Variants in FAM200A observed in about 807,000 individuals in gnomAD.
FAM200A encodes ZBED8 like.
Under a neutral mutation model 44.2 loss-of-function variants are expected in FAM200A, and 26 were observed. The observed-to-expected ratio is 0.59, with a 90% CI of 0.43 to 0.82. FAM200A has a LOEUF of 0.82. Among genes scored for constraint, FAM200A ranks in the 40% least tolerant of loss-of-function variants. The pLI is 0.00. For synonymous variants in FAM200A, 206 were observed against 244.4 expected (o/e 0.84, Z 1.47); for missense variants, 606 against 669.5 (o/e 0.91, Z 1.05).
intron 1 of FAM200A, among the ~76,000 whole-genome samples, chr7:99,551,405 A>G (rs1480928531): frequency 2.0e-5 from 3 of 152,056 alleles, no homozygotes. Flanking sequence ...CTAGGTTGGC[A>G]AGGCTGATCT....
chr7:99,553,090 T>TATATACACACAC (rs1562927180), upstream of FAM200A, among the ~76,000 whole-genome samples: 10 of 102,042 alleles, frequency 9.8e-5, no homozygotes, highest in African/African-American at 5.2e-4. Context: ...TATATATATA[T>TATATACACACAC]ATATATATAT....
At chr7:99,557,978 G>A (rs1313775453) in intron 1 of FAM200A, among the ~76,000 whole-genome samples, 1 of 152,174 alleles carries the variant, frequency 6.6e-6, no homozygotes. Context: ...CCGGCGCTCT[G>A]CCTGTCCCGC....
At position 99,547,501 on chromosome 7, in the gene FAM200A, A is replaced by G; in HGVS notation, c.907T>C (p.Trp303Arg). 1.3e-6 allele frequency: 2 copies of G among 1,549,604 alleles called. No individual in the cohort carries two copies. The highest frequency in any genetic ancestry group is 1.7e-6 in the Non-Finnish European group (2 of 1,145,870). Reference sequence around the variant, plus strand: ...CTCAATACTTTTCCTTGAGAAAGCCAACGAACTTCTGTATGAAACAATAAG... The same window carrying G: ...CTCAATACTTTTCCTTGAGAAAGCCGACGAACTTCTGTATGAAACAATAAG... The part of the protein sequence containing the change: ...THLLFHTEVR[W>R]LSQGKVLSRV... The change falls in exon 2 of 2, where the codon TGG (tryptophan) becomes CGG (arginine). Residue 303 changes from tryptophan to arginine, a missense_variant. Trp to Arg is a moderately radical substitution (Grantham distance 101). Transcript: ENST00000449309.
In FAM200A at chr7:99,547,003, A is replaced by C. The variant is rs1384612287; in HGVS notation, c.1405T>G (p.Leu469Val). The C allele has an allele frequency of 6.5e-7, 1 of 1,549,976 alleles. No individual in the cohort carries two copies. Among genetic ancestry groups the C allele is most frequent in the South Asian group, 1.2e-5 (1 of 83,544 alleles). The change falls in exon 2 of 2, where the codon TTG (leucine) becomes GTG (valine). Residue 469 changes from leucine to valine, a missense_variant. Leu to Val is a conservative substitution (Grantham distance 32). Coordinates refer to ENST00000449309, the MANE Select transcript of FAM200A (RefSeq NM_145111.4). ...AATTCATTCTCTTCTTCAGGCTCCA[A>C]GTTTAACTCAATTATTGATTCTGGG... ...QNPESIIELN[L>V]EPEEENELLQ...
intron 1 of FAM200A, among the ~76,000 whole-genome samples, chr7:99,557,973 G>A (rs1438937152): frequency 2.0e-5 from 3 of 152,168 alleles, no homozygotes; most frequent in Non-Finnish European, 4.4e-5. Flanking sequence ...CTGTCCCGGC[G>A]CTCTGCCTGT....
Position 99,546,569 on chromosome 7 carries a change from A to G in FAM200A, c.*117T>C. ...TTTTTAGTAGAGATGGGGTTTCACCATGTTGGCCAGGCTGGTCTTGAACTC... is the reference window on the plus strand; with the variant it reads ...TTTTTAGTAGAGATGGGGTTTCACCGTGTTGGCCAGGCTGGTCTTGAACTC... On this transcript the variant is annotated 3_prime_UTR_variant, in exon 2 of 2. Transcript: ENST00000449309. 8.9e-7 allele frequency: 1 copy of G among 1,122,516 alleles called. No individual in the cohort carries two copies. Among genetic ancestry groups the G allele is most frequent in the Non-Finnish European group, 1.2e-6 (1 of 846,970 alleles). The allele number at this position is 1,122,516 out of a possible 1,614,324, so 69.5% of individuals were successfully genotyped here. A position where few individuals can be genotyped will look rare whatever the true frequency, so the allele number is the denominator to read the frequency against.
At chr7:99,557,610 C>G (rs1418370832) in intron 1 of FAM200A, among the ~76,000 whole-genome samples, 1 of 152,106 alleles carries the variant, frequency 6.6e-6, no homozygotes, top group Non-Finnish European at 1.5e-5. Context: ...TCCACTGTGA[C>G]GGGCACTGCA....
chr7:99,556,774 G>A (rs886094245), upstream of FAM200A, among the ~76,000 whole-genome samples: 5 of 152,142 alleles, frequency 3.3e-5, no homozygotes, highest in Non-Finnish European at 7.4e-5. Context: ...AGTGGCTCAC[G>A]CCTGTAATCC....
At position 99,548,273 on chromosome 7, in the gene FAM200A, T is replaced by C; in HGVS notation, c.135A>G (p.Ser45=). 2 of 1,614,118 alleles carry C rather than the reference T, an allele frequency of 1.2e-6. No individual in the cohort carries two copies. The highest frequency in any genetic ancestry group is 1.3e-5 in the African/African-American group (1 of 75,062). The part of the protein sequence containing the change: ...HFQKERNKVE[S]SPQVLSRSTT... Reference sequence around the variant, plus strand: ...TAGAGCGACTGAGAACTTGTGGCGATGACTCTACTTTGTTTCTTTCCTTTT... The same window carrying C: ...TAGAGCGACTGAGAACTTGTGGCGACGACTCTACTTTGTTTCTTTCCTTTT... The change falls in exon 2 of 2, where the codon TCA becomes TCG. Residue 45 remains serine, a synonymous_variant. Coordinates refer to ENST00000449309, the MANE Select transcript of FAM200A (RefSeq NM_145111.4).
In FAM200A at chr7:99,551,946, C is replaced by G. The variant is rs943452910; in HGVS notation, c.-192G>C. On this transcript the variant is annotated 5_prime_UTR_variant, in exon 1 of 2. Transcript: ENST00000449309. ...GGCACGGACCCGCTTCCACTCCGTC[C>G]CGGGCGGTCGTGGCGAGGGGATTGC... 7 of 985,434 alleles carry G rather than the reference C, an allele frequency of 7.1e-6. No individual in the cohort carries two copies. The African/African-American group carries it at 1.0e-4, about 15-fold the overall frequency. The allele number at this position is 985,434 out of a possible 1,614,324, so 61.0% of individuals were successfully genotyped here.
upstream of FAM200A, among the ~76,000 whole-genome samples, chr7:99,556,454 A>T (rs1049881403): frequency 6.6e-6 from 1 of 152,192 alleles, no homozygotes; most frequent in African/African-American, 2.4e-5. Flanking sequence ...ATGCAGAATT[A>T]CCTTAGTAAT....
chr7:99,555,701 G>A (rs1348489684), upstream of FAM200A, among the ~76,000 whole-genome samples: 2 of 152,078 alleles, frequency 1.3e-5, no homozygotes, highest in African/African-American at 2.4e-5. Context: ...TTGAGGTCAG[G>A]AGTTCAAGAT....
chr7:99,553,020 T>C (rs59959406), upstream of FAM200A, among the ~76,000 whole-genome samples: 13 of 129,588 alleles, frequency 1.0e-4, no homozygotes, highest in African/African-American at 2.5e-4. Context: ...TATATACACA[T>C]ATATATACAT....
chr7:99,557,970 G>A (rs1035805930), intron 1 of FAM200A, among the ~76,000 whole-genome samples: 4 of 152,142 alleles, frequency 2.6e-5, no homozygotes, highest in Non-Finnish European at 5.9e-5. Flanking sequence ...TTTCTGTCCC[G>A]GCGCTCTGCC....
upstream of FAM200A, among the ~76,000 whole-genome samples, chr7:99,553,020 T>TATATATACATGTATATATATATACACAC (rs1802576901): frequency 6.9e-5 from 9 of 129,622 alleles, no homozygotes; most frequent in African/African-American, 1.1e-4. Context: ...TATATACACA[T>TATATATACATGTATATATATATACACAC]ATATATACAT....
chr7:99,558,539 C>A (rs964757885), upstream of FAM200A: 2 of 152,316 alleles, frequency 1.3e-5, no homozygotes, highest in African/African-American at 4.8e-5. Context: ...TCATCCGGGG[C>A]CGTCACTCAC....
chr7:99,554,372 G>A (rs574170234), upstream of FAM200A, among the ~76,000 whole-genome samples: 1 of 151,792 alleles, frequency 6.6e-6, no homozygotes, highest in African/African-American at 2.4e-5. Context: ...CCAGCTACTC[G>A]GGAGGCTGAG....
upstream of FAM200A, among the ~76,000 whole-genome samples, chr7:99,553,099 A>ATATTTTTTTTT (rs1254408398): frequency 1.6e-5 from 1 of 61,418 alleles, no homozygotes; most frequent in African/African-American, 9.9e-5. Flanking sequence ...ATATATATAT[A>ATATTTTTTTTT]TTTTTTTTTT....
chr7:99,555,829 C>G (rs1802665497), upstream of FAM200A, among the ~76,000 whole-genome samples: 2 of 152,248 alleles, frequency 1.3e-5, no homozygotes, highest in South Asian at 4.1e-4. Flanking sequence ...TTGCTTGAAT[C>G]CAGAAAGCAG....
Sources: allele counts gnomAD v4.1 joint callset (sites outside exome capture counted in the v4.1 genomes callset), GRCh38; gene constraint gnomAD v4.1.1; transcripts MANE v1.5; gene names NCBI Gene and HGNC (gene_info 2026-07-23, HGNC 2026-07-21).